ESRRG: variants seen among roughly 807,000 people sequenced by gnomAD.
ESRRG encodes the protein estrogen-related receptor gamma.
ESRRG carries 13 observed loss-of-function variants against 44.0 expected under a neutral mutation model. The observed-to-expected ratio is 0.30, with a 90% CI of 0.19 to 0.47. The LOEUF (loss-of-function observed/expected upper bound fraction) is 0.47, where lower values mean the gene tolerates loss of function less well. ESRRG is among the 20% of genes least tolerant of loss of function. The probability of loss-of-function intolerance (pLI) is 1.00; values close to 1 mark genes in which losing one functional copy is unlikely to be tolerated. For missense variants in ESRRG, 395 were observed against 580.6 expected (o/e 0.68, Z 3.29); for synonymous variants, 215 against 214.6 (o/e 1.00, Z -0.02).
At chr1:216,698,259 T>G (rs2080611081) in intron 1 of ESRRG, among the ~76,000 whole-genome samples, 1 of 152,182 alleles carries the variant, frequency 6.6e-6, no homozygotes, top group African/African-American at 2.4e-5. Context: ...GGCTCACGCC[T>G]GTAATCCCAG....
intron 1 of ESRRG, 88 bp from the exon 2 acceptor site, chr1:216,677,579 G>T: frequency 9.1e-7 from 1 of 1,093,228 alleles, no homozygotes; most frequent in Non-Finnish European, 1.3e-6. Flanking sequence ...AAGAGATGGT[G>T]AAAAATAGAG....
intron 3 of ESRRG, among the ~76,000 whole-genome samples, chr1:216,639,163 T>C (rs147482243): frequency 2.6e-5 from 4 of 152,238 alleles, no homozygotes; most frequent in African/African-American, 9.6e-5. Context: ...GGGACCATTA[T>C]AGAAGTCACA....
At chr1:216,780,411 A>T (rs546619808) in intron 2 of ESRRG, among the ~76,000 whole-genome samples, 1 of 152,162 alleles carries the variant, frequency 6.6e-6, no homozygotes, top group Admixed American at 6.6e-5. Context: ...GAGATTTTTT[A>T]AGTTGAGTTA....
rs183429691 is a variant in ESRRG, at chr1:217,001,778, G to T, written c.-105-62105C>A. Among the ~76,000 whole-genome samples, 63 of 152,234 alleles carry T rather than the reference G, an allele frequency of 4.1e-4. 1 individual carries two copies. The highest frequency in any genetic ancestry group is 2.0e-3 in the Admixed American group (31 of 15,284). ...ATAAGGCTTTCTTGGATACTACAAA[G>T]ACTTTGACTTTTACTGAAGGAAATG... is the stretch of plus-strand genomic sequence containing the variant. On this transcript the variant is annotated intron_variant, in intron 1 of 7. Coordinates refer to the ESRRG transcript ENST00000359162.
intron 1 of ESRRG, among the ~76,000 whole-genome samples, chr1:216,991,015 G>GGTGA: frequency 6.6e-6 from 1 of 152,168 alleles, no homozygotes; most frequent in East Asian, 1.9e-4. Flanking sequence ...GTGACAGGGA[G>GGTGA]GCGAGCACTA....
At chr1:216,862,229 CT>C (rs369096933) in intron 2 of ESRRG, 228 of 144,690 alleles carry the variant, frequency 1.6e-3, no homozygotes, top group Middle Eastern at 0.011. Context: ...AACAGTTTCC[CT>C]TTTTTTTTTT....
At chr1:217,013,203 G>A (rs2078885003) in intron 1 of ESRRG, among the ~76,000 whole-genome samples, 6 of 152,186 alleles carry the variant, frequency 3.9e-5, no homozygotes, top group Admixed American at 3.9e-4. Context: ...CTTTCTTGGA[G>A]TATACAATTC....
At chr1:216,721,907 C>A (rs1277587612) in intron 1 of ESRRG, among the ~76,000 whole-genome samples, 2 of 152,308 alleles carry the variant, frequency 1.3e-5, no homozygotes, top group Non-Finnish European at 2.9e-5. Flanking sequence ...GATGCAAGCA[C>A]AGCCTTATAA....
At chr1:216,628,157 T>G (rs1188403428) in intron 3 of ESRRG, among the ~76,000 whole-genome samples, 1 of 152,222 alleles carries the variant, frequency 6.6e-6, no homozygotes, top group African/African-American at 2.4e-5. Context: ...GCCACAAATA[T>G]TAATTCATGT....
chr1:217,055,666 C>T (rs1020481032), intron 1 of ESRRG, among the ~76,000 whole-genome samples: 6 of 152,126 alleles, frequency 3.9e-5, no homozygotes, highest in African/African-American at 1.4e-4. Flanking sequence ...TGGATTCCCT[C>T]CTCAGATATG....
chr1:216,653,617 C>A (rs577673206), intron 2 of ESRRG, among the ~76,000 whole-genome samples: 1 of 152,238 alleles, frequency 6.6e-6, no homozygotes, highest in South Asian at 2.1e-4. Context: ...ATTTCCAAGC[C>A]TCCTTGTTCA....
chr1:216,872,734 G>A (rs2096275698), intron 2 of ESRRG, among the ~76,000 whole-genome samples: 1 of 151,964 alleles, frequency 6.6e-6, no homozygotes, highest in African/African-American at 2.4e-5. Context: ...CTGCTTGTTG[G>A]AACAATTTTT....
At chr1:216,601,011 C>A (rs1466391785) in intron 3 of ESRRG, among the ~76,000 whole-genome samples, 1 of 152,322 alleles carries the variant, frequency 6.6e-6, no homozygotes, top group East Asian at 1.9e-4. Flanking sequence ...CGTTCCTCCC[C>A]GGTTCTCTGC....
intron 2 of ESRRG, among the ~76,000 whole-genome samples, chr1:216,738,712 C>T (rs1382260411): frequency 6.6e-6 from 1 of 152,126 alleles, no homozygotes; most frequent in Non-Finnish European, 1.5e-5. Context: ...AAAGATGAAG[C>T]AGCGTGCACT....
intron 2 of ESRRG, among the ~76,000 whole-genome samples, chr1:216,921,833 T>C (rs1378171371): frequency 1.3e-5 from 2 of 152,244 alleles, no homozygotes; most frequent in African/African-American, 2.4e-5. Flanking sequence ...AGGCAGAACC[T>C]GGTACTTGGG....
chr1:217,068,382 C>T lies in ESRRG; in HGVS notation c.-106+21125G>A, dbSNP rs146166199. Among the ~76,000 whole-genome samples, 414 of 150,274 alleles carry T rather than the reference C, an allele frequency of 2.8e-3. 2 individuals carry two copies. The highest frequency in any genetic ancestry group is 9.3e-3 in the African/African-American group (382 of 40,878). On this transcript the variant is annotated intron_variant, in intron 1 of 7. Coordinates refer to the ESRRG transcript ENST00000359162. ...TTTTTTTTTTTAACATCTCCAGGGG[C>T]GTTTAATCCCCTTCCTAACTTTCTT...
chr1:216,505,831 G>A lies in ESRRG; in HGVS notation c.*1108C>T, dbSNP rs1174560386. The A allele has an allele frequency of 6.6e-6, 1 of 152,568 alleles. No homozygotes were observed. The highest frequency in any genetic ancestry group is 2.4e-5 in the African/African-American group (1 of 41,434). The allele number at this position is 152,568 out of a possible 1,614,324, so 9.5% of individuals were successfully genotyped here. ...TGCACCTTCCCTTCAACTATTGCTTGAGTAAGTTAAATTCCCATATTAATA... is the reference window on the plus strand; with the variant it reads ...TGCACCTTCCCTTCAACTATTGCTTAAGTAAGTTAAATTCCCATATTAATA... On this transcript the variant is annotated 3_prime_UTR_variant, in exon 7 of 7. Coordinates refer to ENST00000408911, the MANE Select transcript of ESRRG (RefSeq NM_001438.4).
intron 2 of ESRRG, among the ~76,000 whole-genome samples, chr1:216,655,319 A>G (rs1444906587): frequency 6.6e-6 from 1 of 152,158 alleles, no homozygotes; most frequent in African/African-American, 2.4e-5. Context: ...TAAATAAACA[A>G]TACATTTTAG....
At chr1:217,021,049 TACAC>T (rs10655764) in intron 1 of ESRRG, among the ~76,000 whole-genome samples, 5 of 145,436 alleles carry the variant, frequency 3.4e-5, no homozygotes, top group South Asian at 4.5e-4. Flanking sequence ...CTGCCATGCA[TACAC>T]ACACACACAC....
Sources: gnomAD v4.1 joint callset for allele counts (sites outside exome capture counted in the v4.1 genomes callset) on GRCh38, gnomAD v4.1.1 for gene constraint, MANE v1.5 for transcripts, NCBI Gene and HGNC (gene_info 2026-07-23, HGNC 2026-07-21) for gene names.